Variants in SPAG6 observed in about 807,000 individuals in gnomAD.
The protein encoded by SPAG6 is sperm associated antigen 6.
Under a neutral mutation model 58.5 loss-of-function variants are expected in SPAG6, and 49 were observed. The observed-to-expected ratio is 0.84, with a 90% CI of 0.67 to 1.06. The LOEUF is 1.06. Among genes scored for constraint, SPAG6 ranks in the 50% least tolerant of loss-of-function variants. The pLI is 0.00. For synonymous variants in SPAG6, 233 were observed against 225.6 expected (o/e 1.03, Z -0.29); for missense variants, 560 against 611.3 (o/e 0.92, Z 0.89).
chr10:22,345,688 G>A lies in SPAG6; in HGVS notation c.26-35G>A. The A allele has an allele frequency of 6.3e-7, 1 of 1,593,732 alleles. No homozygotes were observed. Among genetic ancestry groups the A allele is most frequent in the Non-Finnish European group, 8.5e-7 (1 of 1,170,850 alleles). On this transcript the variant is annotated intron_variant, in intron 1 of 10. Coordinates refer to ENST00000376624, the MANE Select transcript of SPAG6 (RefSeq NM_012443.4). This position sits in a 1 kb window ranked among gnomAD's most constrained non-coding sequence, Gnocchi z 6.3. ...AACTAGCTGGCGCCGAGGAGACCCGGGTGCGGTGGGCTCCACCGACTCTCT... is the reference window on the plus strand; with the variant it reads ...AACTAGCTGGCGCCGAGGAGACCCGAGTGCGGTGGGCTCCACCGACTCTCT...
chr10:22,385,628 G>A (rs1202811542), intron 4 of SPAG6, among the ~76,000 whole-genome samples: 2 of 152,090 alleles, frequency 1.3e-5, no homozygotes, highest in Admixed American at 1.3e-4. Flanking sequence ...GGACTTCTAA[G>A]ATAATTATGA....
intron 2 of SPAG6, among the ~76,000 whole-genome samples, chr10:22,349,385 C>T (rs954358812): frequency 5.3e-5 from 8 of 152,096 alleles, no homozygotes; most frequent in East Asian, 1.9e-4. Flanking sequence ...TGATACTTCC[C>T]GTCTGAATAA....
chr10:22,403,292 A>C (rs990545442), intron 9 of SPAG6, among the ~76,000 whole-genome samples: 4 of 151,214 alleles, frequency 2.6e-5, no homozygotes, highest in African/African-American at 9.7e-5. Flanking sequence ...CCCAACCCCC[A>C]TCCCACAACA....
chr10:22,346,430 G>GTTCTTC (rs71393995), intron 2 of SPAG6, among the ~76,000 whole-genome samples: 15,313 of 95,726 alleles, frequency 0.16, 1,914 homozygotes, highest in Middle Eastern at 0.2. Context: ...AGAGAAAATG[G>GTTCTTC]TTCTTCTTCT....
rs1316937530 is a variant in SPAG6 at position 22,345,869 on chromosome 10, C to T, written c.121+51C>T. 5 of 1,585,144 alleles carry T rather than the reference C, an allele frequency of 3.2e-6. No individual in the cohort carries two copies. In the East Asian group the frequency reaches 9.4e-5, roughly 30 times the overall value. Reference sequence around the variant, plus strand: ...CGCCCCCCGCGCACTGAGTCCCCGACGCCTCCGCCCCGCTGCCCTGCCCGT... The same window carrying T: ...CGCCCCCCGCGCACTGAGTCCCCGATGCCTCCGCCCCGCTGCCCTGCCCGT... On this transcript the variant is annotated intron_variant, in intron 2 of 10. Coordinates refer to ENST00000376624, the MANE Select transcript of SPAG6 (RefSeq NM_012443.4). This position sits in a 1 kb window ranked among gnomAD's most constrained non-coding sequence, Gnocchi z 6.3.
intron 9 of SPAG6, among the ~76,000 whole-genome samples, chr10:22,410,616 T>C (rs1190231068): frequency 2.6e-5 from 4 of 152,144 alleles, no homozygotes; most frequent in Non-Finnish European, 5.9e-5. Flanking sequence ...TGACACAGCA[T>C]GCATGCTGTG....
chr10:22,346,487 C>CTTT (rs1554776485), intron 2 of SPAG6, among the ~76,000 whole-genome samples: 2 of 138,492 alleles, frequency 1.4e-5, no homozygotes, highest in African/African-American at 3.3e-5. Flanking sequence ...TCTTCTTCTT[C>CTTT]TTCTTCTTCT....
rs914027351 is a variant in SPAG6 at position 22,407,497 on chromosome 10, C to T, written c.1315-3534C>T. Reference sequence around the variant, plus strand: ...CTCTTCTGGCTTATAGAGTTTCTGCCGAGAGATCAGCTGTTAGTCTGATGG... The same window carrying T: ...CTCTTCTGGCTTATAGAGTTTCTGCTGAGAGATCAGCTGTTAGTCTGATGG... On this transcript the variant is annotated intron_variant, in intron 9 of 10. Coordinates refer to ENST00000376624, the MANE Select transcript of SPAG6 (RefSeq NM_012443.4). 7.9e-3 allele frequency among the ~76,000 whole-genome samples: 1,204 copies of T among 152,196 alleles called. 13 individuals are homozygous for T. Among genetic ancestry groups the T allele is most frequent in the African/African-American group, 0.027 (1,114 of 41,488 alleles).
chr10:22,410,723 C>A (rs1834710902), intron 9 of SPAG6, among the ~76,000 whole-genome samples: 1 of 152,154 alleles, frequency 6.6e-6, no homozygotes, highest in African/African-American at 2.4e-5. Flanking sequence ...TGTTAAGGAG[C>A]TTGCCTTTAA....
At chr10:22,390,886 T>A (rs1834170100) in intron 7 of SPAG6, among the ~76,000 whole-genome samples, 1 of 152,224 alleles carries the variant, frequency 6.6e-6, no homozygotes, top group African/African-American at 2.4e-5. Flanking sequence ...GATTCTGGCC[T>A]TTGCTGTGGT....
At chr10:22,363,891 T>C (rs1431104176) in intron 2 of SPAG6, among the ~76,000 whole-genome samples, 2 of 152,226 alleles carry the variant, frequency 1.3e-5, no homozygotes, top group African/African-American at 4.8e-5. Flanking sequence ...CAACGGGTAC[T>C]TTGTTATATT....
rs1184981619 is a variant in SPAG6, at chr10:22,389,042, A to G, written c.853-118A>G. 3 of 737,422 alleles carry G rather than the reference A, an allele frequency of 4.1e-6. No individual in the cohort carries two copies. The African/African-American group carries it at 5.3e-5, about 13-fold the overall frequency. The allele number at this position is 737,422 out of a possible 1,614,324, so 45.7% of individuals were successfully genotyped here. On this transcript the variant is annotated intron_variant, in intron 6 of 10. Coordinates refer to ENST00000376624, the MANE Select transcript of SPAG6 (RefSeq NM_012443.4). ...TTTAATAAATATAATAATTTCACTA[A>G]ATGATAATTCAATTTCACCAGTTGT...
chr10:22,401,279 TA>T lies in SPAG6; in HGVS notation c.1314+4del. ...CATGTGGTTGGACAGTTCAGTAAGGTAAGAAATGCCAGCCTCTAAGGGGAGG... is the reference window on the plus strand; with the variant it reads ...CATGTGGTTGGACAGTTCAGTAAGGTAGAAATGCCAGCCTCTAAGGGGAGG... On this transcript the variant is annotated splice_donor_region_variant and intron_variant, in intron 9 of 10. Transcript: ENST00000376624. 7.2e-7 allele frequency: 1 copy of T among 1,382,454 alleles called. No individual in the cohort carries two copies. Among genetic ancestry groups the T allele is most frequent in the Non-Finnish European group, 1.0e-6 (1 of 971,866 alleles). The allele number at this position is 1,382,454 out of a possible 1,614,324, so 85.6% of individuals were successfully genotyped here. A position where few individuals can be genotyped will look rare whatever the true frequency, so the allele number is the denominator to read the frequency against.
chr10:22,410,774 A>G (rs1374367300), intron 9 of SPAG6, among the ~76,000 whole-genome samples: 1 of 152,186 alleles, frequency 6.6e-6, no homozygotes, highest in Non-Finnish European at 1.5e-5. Context: ...TGTAAGCTTT[A>G]TATTTTACAT....
chr10:22,373,750 G>A (rs1170937573), intron 4 of SPAG6, among the ~76,000 whole-genome samples: 1 of 152,000 alleles, frequency 6.6e-6, no homozygotes, highest in East Asian at 1.9e-4. Flanking sequence ...TTCTATTGTA[G>A]GGGGTTGAGG....
At chr10:22,406,019 C>G (rs528602006) in intron 9 of SPAG6, among the ~76,000 whole-genome samples, 2 of 152,154 alleles carry the variant, frequency 1.3e-5, no homozygotes, top group East Asian at 3.9e-4. Context: ...CTATCTGATT[C>G]TTCTCTCTTT....
At chr10:22,346,221 T>G (rs558607250) in intron 2 of SPAG6, among the ~76,000 whole-genome samples, 6 of 152,298 alleles carry the variant, frequency 3.9e-5, no homozygotes, top group African/African-American at 1.4e-4. Flanking sequence ...AGACGTGATT[T>G]CTCGTCTTGC....
chr10:22,347,785 C>T (rs1279284723), intron 2 of SPAG6, among the ~76,000 whole-genome samples: 1 of 152,106 alleles, frequency 6.6e-6, no homozygotes, highest in African/African-American at 2.4e-5. Context: ...AGGAATATAA[C>T]TTTATGTTTT....
chr10:22,410,705 T>C (rs1834710551), intron 9 of SPAG6, among the ~76,000 whole-genome samples: 1 of 152,180 alleles, frequency 6.6e-6, no homozygotes, highest in African/African-American at 2.4e-5. Flanking sequence ...AGAGGACCCT[T>C]TGTGCCTTGT....
Sources: gnomAD v4.1 joint callset for allele counts (sites outside exome capture counted in the v4.1 genomes callset) on GRCh38, gnomAD v4.1.1 for gene constraint, Gnocchi (gnomAD v3.1) non-coding constraint, MANE v1.5 for transcripts, NCBI Gene and HGNC (gene_info 2026-07-23, HGNC 2026-07-21) for gene names.